Variants in CNTNAP2 observed in about 807,000 individuals in gnomAD.
CNTNAP2 encodes contactin associated protein 2.
CNTNAP2 carries 98 observed loss-of-function variants against 155.2 expected under a neutral mutation model. The observed-to-expected ratio is 0.63, with a 90% CI of 0.54 to 0.75. The LOEUF (loss-of-function observed/expected upper bound fraction) is 0.75, where lower values mean the gene tolerates loss of function less well. CNTNAP2 is among the 30% of genes least tolerant of loss of function. The pLI, the probability that CNTNAP2 is intolerant of heterozygous loss-of-function variation, is 0.00. For synonymous variants in CNTNAP2, 651 were observed against 631.2 expected, an observed-to-expected ratio of 1.03 and a Z score of -0.47; for missense variants, 1,727 against 1,688.1, an observed-to-expected ratio of 1.02 and a Z score of -0.40.
At chr7:146,154,670 G>A (rs937316722) in intron 1 of CNTNAP2, among the ~76,000 whole-genome samples, 1 of 152,144 alleles carries the variant, frequency 6.6e-6, no homozygotes, top group African/African-American at 2.4e-5. Context: ...CATAGAAAGG[G>A]AGCAGGCAAC....
chr7:147,674,252 T>G (rs1318415050), intron 13 of CNTNAP2, among the ~76,000 whole-genome samples: 1 of 152,174 alleles, frequency 6.6e-6, no homozygotes, highest in Non-Finnish European at 1.5e-5. Flanking sequence ...GGGAGGATAT[T>G]CTTTATTGAA....
intron 11 of CNTNAP2, among the ~76,000 whole-genome samples, chr7:147,534,824 T>C (rs535413340): frequency 2.8e-4 from 43 of 152,138 alleles, no homozygotes; most frequent in Non-Finnish European, 5.3e-4. Flanking sequence ...CAAATGCCTC[T>C]CCCTGACTTC....
At chr7:147,155,485 C>T (rs1453950085) in intron 8 of CNTNAP2, among the ~76,000 whole-genome samples, 1 of 151,980 alleles carries the variant, frequency 6.6e-6, no homozygotes, top group Non-Finnish European at 1.5e-5. Context: ...GGAGGAGGCC[C>T]CCTAGAGAAC....
At chr7:148,401,772 G>T (rs769076082) in intron 22 of CNTNAP2, among the ~76,000 whole-genome samples, 1 of 151,922 alleles carries the variant, frequency 6.6e-6, no homozygotes, top group East Asian at 1.9e-4. Flanking sequence ...CTACTTTTTT[G>T]TATTTTTAGT....
intron 9 of CNTNAP2, among the ~76,000 whole-genome samples, chr7:147,301,592 CTGTGTGTGTGTG>C (rs10585570): frequency 0.054 from 5,483 of 101,616 alleles, 131 homozygotes; most frequent in Admixed American, 0.078. Context: ...CTCTCTCTCT[CTGTGTGTGTGTG>C]TGTGTGTGTG....
chr7:147,513,280 G>T (rs1287669881), intron 11 of CNTNAP2, among the ~76,000 whole-genome samples: 1 of 151,706 alleles, frequency 6.6e-6, no homozygotes, highest in Non-Finnish European at 1.5e-5. Context: ...ATACCTATTT[G>T]TTTGTCTAAA....
intron 8 of CNTNAP2, among the ~76,000 whole-genome samples, chr7:147,297,203 A>T (rs1020722607): frequency 2.0e-5 from 3 of 152,140 alleles, no homozygotes; most frequent in Non-Finnish European, 2.9e-5. Context: ...TTTATGTTTC[A>T]TCATTTACTT....
chr7:148,029,788 TCTAA>T (rs1258587460), intron 15 of CNTNAP2, among the ~76,000 whole-genome samples: 2 of 152,202 alleles, frequency 1.3e-5, no homozygotes, highest in Non-Finnish European at 2.9e-5. Flanking sequence ...GTGAGAACTA[TCTAA>T]CTGTCTGATG....
chr7:146,936,983 G>A (rs1338485130), intron 3 of CNTNAP2, among the ~76,000 whole-genome samples: 1 of 152,190 alleles, frequency 6.6e-6, no homozygotes, highest in African/African-American at 2.4e-5. Context: ...ATGAACATGA[G>A]TTCTAGGTTG....
chr7:147,694,916 C>T (rs969067099), intron 13 of CNTNAP2, among the ~76,000 whole-genome samples: 1 of 152,030 alleles, frequency 6.6e-6, no homozygotes, highest in South Asian at 2.1e-4. Flanking sequence ...TTTTAAAAAA[C>T]TAAGGCAGAA....
In CNTNAP2 at chr7:147,395,690, A is replaced by T; in HGVS notation, c.1580A>T (p.Asp527Val). Reference protein sequence around the residue: ...FQGCMQLIQVDDQLVNLYEVA... With the variant: ...FQGCMQLIQVVDQLVNLYEVA... ...GGATGCATGCAGCTCATTCAAGTGGACGATCAACTTGTAAATTTATACGAA... is the reference window on the plus strand; with the variant it reads ...GGATGCATGCAGCTCATTCAAGTGGTCGATCAACTTGTAAATTTATACGAA... The change falls in exon 10 of 24, where the codon GAC (aspartate) becomes GTC (valine). Residue 527 changes from aspartate (D) to valine (V), a missense_variant. Coordinates refer to ENST00000361727, the MANE Select transcript of CNTNAP2 (RefSeq NM_014141.6). The T allele has an allele frequency of 1.2e-6, 2 of 1,612,650 alleles. No homozygotes were observed. Among genetic ancestry groups the T allele is most frequent in the Admixed American group, 1.7e-5 (1 of 59,918 alleles).
chr7:147,730,978 C>T (rs1477517348), intron 13 of CNTNAP2, among the ~76,000 whole-genome samples: 1 of 152,048 alleles, frequency 6.6e-6, no homozygotes, highest in East Asian at 1.9e-4. Context: ...AGAGCAAGGC[C>T]CTAACTCTCT....
chr7:146,179,246 G>A (rs189032022), intron 1 of CNTNAP2, among the ~76,000 whole-genome samples: 4 of 152,172 alleles, frequency 2.6e-5, no homozygotes, highest in Admixed American at 6.5e-5. Flanking sequence ...GAACATGGCC[G>A]TTCTGGACAG....
intron 6 of CNTNAP2, among the ~76,000 whole-genome samples, chr7:147,124,867 CT>C: frequency 7.5e-6 from 1 of 133,020 alleles, no homozygotes; most frequent in African/African-American, 2.8e-5. Flanking sequence ...TGGACATTTC[CT>C]TTTTTTCCTT....
intron 10 of CNTNAP2, among the ~76,000 whole-genome samples, chr7:147,461,093 T>C (rs1192529420): frequency 1.3e-5 from 2 of 152,180 alleles, no homozygotes; most frequent in African/African-American, 4.8e-5. Flanking sequence ...TAATATATAA[T>C]ATGCAATATG....
intron 8 of CNTNAP2, among the ~76,000 whole-genome samples, chr7:147,273,946 T>C (rs916856003): frequency 6.7e-6 from 1 of 148,278 alleles, no homozygotes; most frequent in Non-Finnish European, 1.5e-5. Context: ...ATATCTATTT[T>C]ATGTAATATA....
At chr7:147,304,882 C>T (rs1396086372) in intron 9 of CNTNAP2, among the ~76,000 whole-genome samples, 8 of 152,092 alleles carry the variant, frequency 5.3e-5, no homozygotes, top group Admixed American at 1.3e-4. Flanking sequence ...TATCAAAATG[C>T]GGGCAGATTC....
intron 11 of CNTNAP2, among the ~76,000 whole-genome samples, chr7:147,534,279 C>A (rs923624101): frequency 1.3e-5 from 2 of 152,106 alleles, no homozygotes; most frequent in African/African-American, 4.8e-5. Flanking sequence ...ATTTTCCAGC[C>A]CAAAACGTCA....
chr7:147,349,596 G>C (rs564528434), intron 9 of CNTNAP2, among the ~76,000 whole-genome samples: 1 of 151,868 alleles, frequency 6.6e-6, no homozygotes, highest in East Asian at 1.9e-4. Context: ...TCCTAGAAAT[G>C]TATGTTATTT....
Sources: allele counts gnomAD v4.1 joint callset (sites outside exome capture counted in the v4.1 genomes callset), GRCh38; gene constraint gnomAD v4.1.1; transcripts MANE v1.5; gene names NCBI Gene and HGNC (gene_info 2026-07-23, HGNC 2026-07-21).